Variants in MAGED1 observed in about 807,000 individuals in gnomAD.
MAGED1 encodes melanoma-associated antigen D1.
In MAGED1, 3 loss-of-function variants were observed where a neutral mutation model predicts 54.1. The observed-to-expected ratio is 0.06, with a 90% CI of 0.03 to 0.14. The LOEUF (loss-of-function observed/expected upper bound fraction) is 0.14. MAGED1 is among the 10% of genes least tolerant of loss of function. The pLI is 1.00. For synonymous variants in MAGED1, 217 were observed against 227.3 expected (o/e 0.95, Z 0.41); for missense variants, 485 against 623.4 (o/e 0.78, Z 2.36).
chrX:51,892,324 TC>T (rs782147997), upstream of MAGED1, among the ~76,000 whole-genome samples: 2 of 112,187 alleles, frequency 1.8e-5, no homozygotes, highest in Admixed American at 1.9e-4. Flanking sequence ...CTCACACAGC[TC>T]GAGACAGACA....
chrX:51,820,247 T>G (rs1557356413), intron 1 of MAGED1, among the ~76,000 whole-genome samples: 2 of 112,019 alleles, frequency 1.8e-5, no homozygotes, highest in African/African-American at 6.5e-5. Flanking sequence ...AAAGGTGTTT[T>G]GACCATTTTG....
At position 51,894,390 on chromosome X, in the gene MAGED1, C is replaced by T. The variant is rs782420361; in HGVS notation, c.45+41C>T. ...CCCACCCCACCATTTCCCCAGCCGA[C>T]AGTCACCCCTCCCCGCGGGCCTCTT... is the stretch of plus-strand genomic sequence containing the variant. On this transcript the variant is annotated intron_variant, in intron 2 of 12. Transcript: ENST00000326587. 9.6e-5 allele frequency: 109 copies of T among 1,135,210 alleles called. No individual in the cohort carries two copies. The Middle Eastern group carries it at 2.9e-3, about 30-fold the overall frequency. 93.6% of individuals were successfully genotyped at this position (1,135,210 alleles called of 1,213,427 possible). A position where few individuals can be genotyped will look rare whatever the true frequency, so the allele number is the denominator to read the frequency against.
chrX:51,864,995 G>A (rs191164463), intron 1 of MAGED1, among the ~76,000 whole-genome samples: 6 of 111,962 alleles, frequency 5.4e-5, no homozygotes, highest in African/African-American at 1.9e-4. Context: ...ATGATGAATA[G>A]AAATGGTGAG....
intron 1 of MAGED1, among the ~76,000 whole-genome samples, chrX:51,813,440 A>G (rs1262444370): frequency 8.9e-6 from 1 of 111,813 alleles, no homozygotes; most frequent in African/African-American, 3.3e-5. Flanking sequence ...GATTCAAACC[A>G]TGCAAGTGTC....
chrX:51,837,894 T>A (rs1602226128), intron 1 of MAGED1, among the ~76,000 whole-genome samples: 1 of 112,827 alleles, frequency 8.9e-6, no homozygotes, highest in African/African-American at 3.2e-5. Flanking sequence ...AATTGTCAGT[T>A]GGTTCATTTA....
At chrX:51,834,646 G>T (rs782058849) in intron 1 of MAGED1, among the ~76,000 whole-genome samples, 4 of 111,005 alleles carry the variant, frequency 3.6e-5, no homozygotes, top group African/African-American at 1.3e-4. Flanking sequence ...TTATTGATTT[G>T]TAGAAGTTAC....
intron 1 of MAGED1, among the ~76,000 whole-genome samples, chrX:51,846,718 G>A (rs954776434): frequency 9.0e-6 from 1 of 111,092 alleles, no homozygotes; most frequent in Non-Finnish European, 1.9e-5. Flanking sequence ...GCAGGTGGAA[G>A]AGAGAGAGGG....
At chrX:51,873,742 T>A (rs1173352985) in intron 1 of MAGED1, among the ~76,000 whole-genome samples, 1 of 110,995 alleles carries the variant, frequency 9.0e-6, no homozygotes, top group Non-Finnish European at 1.9e-5. Context: ...ATTTTTTTGT[T>A]CCTTGGTCCT....
At chrX:51,862,664 A>T (rs1418068423) in intron 1 of MAGED1, among the ~76,000 whole-genome samples, 1 of 111,808 alleles carries the variant, frequency 8.9e-6, no homozygotes, top group Non-Finnish European at 1.9e-5. Context: ...TCTCCCAGGA[A>T]AACAGAGGTT....
intron 1 of MAGED1, among the ~76,000 whole-genome samples, chrX:51,822,833 A>G (rs1475121766): frequency 2.6e-4 from 29 of 111,435 alleles, no homozygotes; most frequent in Non-Finnish European, 3.8e-4. Flanking sequence ...CTTTCACTGC[A>G]TCTCATATGT....
intron 1 of MAGED1, among the ~76,000 whole-genome samples, chrX:51,821,048 C>T (rs1456229037): frequency 9.0e-6 from 1 of 111,453 alleles, no homozygotes; most frequent in Admixed American, 9.5e-5. Context: ...TGGCTTATTT[C>T]GCTTAGACTT....
chrX:51,872,044 T>A (rs1359809144), intron 1 of MAGED1, among the ~76,000 whole-genome samples: 4 of 112,400 alleles, frequency 3.6e-5, no homozygotes, highest in African/African-American at 9.7e-5. Flanking sequence ...AGCATTTTTT[T>A]AATGTGTTTT....
chrX:51,849,262 A>T, intron 1 of MAGED1, among the ~76,000 whole-genome samples: 1 of 111,237 alleles, frequency 9.0e-6, no homozygotes, highest in Non-Finnish European at 1.9e-5. Flanking sequence ...TAGGCTTTCT[A>T]TTCTGTTCCA....
intron 1 of MAGED1, among the ~76,000 whole-genome samples, chrX:51,852,074 C>T (rs1000924881): frequency 9.0e-6 from 1 of 111,640 alleles, no homozygotes; most frequent in Non-Finnish European, 1.9e-5. Context: ...CCTTAGGGAC[C>T]GCTAGAAAAT....
intron 1 of MAGED1, among the ~76,000 whole-genome samples, chrX:51,820,885 TTAACTA>T (rs1430810868): frequency 1.8e-5 from 2 of 111,436 alleles, no homozygotes; most frequent in African/African-American, 6.5e-5. Flanking sequence ...TTTGTACCCT[TTAACTA>T]GTCTTTCTGC....
chrX:51,888,146 CAT>C (rs1394345806), intron 1 of MAGED1, among the ~76,000 whole-genome samples: 8 of 111,471 alleles, frequency 7.2e-5, no homozygotes, highest in East Asian at 2.8e-4. Context: ...TTTAAAGTAA[CAT>C]AGTGTAATTG....
chrX:51,875,048 TG>T (rs782380602), intron 1 of MAGED1, among the ~76,000 whole-genome samples: 1 of 111,296 alleles, frequency 9.0e-6, no homozygotes. Context: ...TAATTATCCC[TG>T]ACTGATGAGG....
chrX:51,841,470 T>C (rs1250824828), intron 1 of MAGED1, among the ~76,000 whole-genome samples: 1 of 111,105 alleles, frequency 9.0e-6, no homozygotes, highest in Admixed American at 9.5e-5. Context: ...TTGGCTTTTG[T>C]TGCCATTGCT....
chrX:51,842,293 C>T (rs1309859257), intron 1 of MAGED1, among the ~76,000 whole-genome samples: 2 of 111,837 alleles, frequency 1.8e-5, no homozygotes, highest in Admixed American at 9.5e-5. Context: ...GTGAGGTAGT[C>T]AGTTTTTAGT....
Sources: allele counts gnomAD v4.1 joint callset (sites outside exome capture counted in the v4.1 genomes callset), GRCh38; gene constraint gnomAD v4.1.1; transcripts MANE v1.5; gene names NCBI Gene and HGNC (gene_info 2026-07-23, HGNC 2026-07-21).